The following SNRNP40 variants were observed in gnomAD, a reference collection of about 807,000 sequenced individuals.
SNRNP40 encodes the protein U5 small nuclear ribonucleoprotein 40 kDa protein.
A neutral mutation model predicts 45.8 loss-of-function variants in SNRNP40; 21 were observed. The ratio of observed to expected loss-of-function variants is 0.46; its 90% CI spans 0.32 to 0.66. SNRNP40 has a LOEUF of 0.66. SNRNP40 is among the 30% of genes least tolerant of loss of function. The probability of loss-of-function intolerance (pLI) is 0.03; values close to 1 mark genes in which losing one functional copy is unlikely to be tolerated. For missense variants in SNRNP40, 344 were observed against 439.1 expected, an observed-to-expected ratio of 0.78 and a Z score of 1.94; for synonymous variants, 142 against 163.8, an observed-to-expected ratio of 0.87 and a Z score of 1.01.
At chr1:31,267,993 G>A (rs371318599) in intron 7 of SNRNP40, 61 bp from the exon 8 acceptor site, 82 of 1,145,928 alleles carry the variant, frequency 7.2e-5, no homozygotes, top group African/African-American at 9.1e-5. Context: ...CAAGGCTACC[G>A]AATCACTAAG....
intron 2 of SNRNP40, chr1:31,292,999 T>C (rs1401225383): frequency 3.7e-6 from 2 of 544,576 alleles, no homozygotes; most frequent in Non-Finnish European, 6.5e-6. Flanking sequence ...AACAACTCAC[T>C]TTCCAACTAG....
chr1:31,288,875 G>T (rs1330405992), intron 4 of SNRNP40, among the ~76,000 whole-genome samples: 29 of 152,088 alleles, frequency 1.9e-4, no homozygotes. Flanking sequence ...GGAACTACAG[G>T]TGCCCGCCAT....
At chr1:31,292,555 G>A (rs565614706) in intron 2 of SNRNP40, among the ~76,000 whole-genome samples, 2 of 152,244 alleles carry the variant, frequency 1.3e-5, no homozygotes, top group Admixed American at 1.3e-4. Context: ...CATCCACCCG[G>A]CACCGAGGAA....
chr1:31,285,576 G>A (rs1333160419), intron 4 of SNRNP40, among the ~76,000 whole-genome samples: 1 of 152,096 alleles, frequency 6.6e-6, no homozygotes, highest in Non-Finnish European at 1.5e-5. Flanking sequence ...CTACAAAGAT[G>A]TTCTCCTACA....
intron 4 of SNRNP40, among the ~76,000 whole-genome samples, chr1:31,283,410 G>A (rs781718169): frequency 9.9e-5 from 15 of 152,190 alleles, no homozygotes; most frequent in South Asian, 4.1e-4. Context: ...CAAGACCAGC[G>A]TGGCTAACAT....
At chr1:31,293,119 T>A in intron 2 of SNRNP40, 100 bp downstream of exon 2, 1 of 1,320,702 alleles carries the variant, frequency 7.6e-7, no homozygotes, top group Non-Finnish European at 1.1e-6. Flanking sequence ...CCTGTTATGT[T>A]GCCAACATAG....
intron 4 of SNRNP40, 70 bp from the exon 5 acceptor site, chr1:31,281,566 C>G: frequency 7.1e-7 from 1 of 1,411,348 alleles, no homozygotes; most frequent in Admixed American, 2.1e-5. Flanking sequence ...ACAAATATCC[C>G]TTAAGTACGA....
At chr1:31,294,700 G>T (rs556277131) in intron 1 of SNRNP40, among the ~76,000 whole-genome samples, 1 of 152,192 alleles carries the variant, frequency 6.6e-6, no homozygotes, top group Non-Finnish European at 1.5e-5. Flanking sequence ...AGCACTTTGG[G>T]AGGCTGAGGT....
chr1:31,275,579 G>A (rs973736238), intron 5 of SNRNP40, among the ~76,000 whole-genome samples: 8 of 152,076 alleles, frequency 5.3e-5, no homozygotes, highest in African/African-American at 9.7e-5. Context: ...TAGTAGAGAC[G>A]GGGTTTTGCC....
intron 5 of SNRNP40, among the ~76,000 whole-genome samples, chr1:31,276,981 C>T (rs931327543): frequency 1.1e-4 from 16 of 151,938 alleles, no homozygotes; most frequent in Admixed American, 1.0e-3. Context: ...TTGCAGTGAG[C>T]TGAGATTGTG....
chr1:31,292,741 T>C (rs1646116324), intron 2 of SNRNP40: 2 of 152,920 alleles, frequency 1.3e-5, no homozygotes, highest in Admixed American at 6.5e-5. Flanking sequence ...TTCTCAAAAA[T>C]GGAAATCTGG....
intron 4 of SNRNP40, among the ~76,000 whole-genome samples, chr1:31,283,472 G>A (rs770232237): frequency 1.3e-5 from 2 of 152,114 alleles, no homozygotes; most frequent in Non-Finnish European, 2.9e-5. Flanking sequence ...TCATGGTGGT[G>A]TGCCCCTGTA....
chr1:31,272,367 A>C (rs1368588309), intron 5 of SNRNP40, among the ~76,000 whole-genome samples: 2 of 152,226 alleles, frequency 1.3e-5, no homozygotes, highest in African/African-American at 4.8e-5. Flanking sequence ...AGGAAACGTA[A>C]GATACAGAAA....
chr1:31,296,618 A>G lies in SNRNP40; in HGVS notation c.134T>C (p.Leu45Pro), dbSNP rs1413856498. 2 of 1,610,992 alleles carry G rather than the reference A, an allele frequency of 1.2e-6. No homozygotes were observed. The highest frequency in any genetic ancestry group is 1.7e-5 in the Admixed American group (1 of 59,104). ...GQQQATPGAL[L>P]QAGPPRCSSL... is the part of the protein sequence containing the mutation. ...GCCTGCTTCTTCACTTACCGCTTGCAGCAAGGCTCCCGGCGTCGCCTGCTG... is the reference window on the plus strand; with the variant it reads ...GCCTGCTTCTTCACTTACCGCTTGCGGCAAGGCTCCCGGCGTCGCCTGCTG... Residue 45 changes from leucine to proline, a missense_variant, in exon 1 of 10, where the codon CTG becomes CCG. This residue lies in a region of SNRNP40 where 90 missense variants were observed against 58.9 expected (regional missense o/e 1.53). Coordinates refer to ENST00000263694, the MANE Select transcript of SNRNP40 (RefSeq NM_004814.3).
intron 5 of SNRNP40, among the ~76,000 whole-genome samples, chr1:31,278,320 G>A (rs146110291): frequency 2.9e-4 from 44 of 152,282 alleles, no homozygotes; most frequent in African/African-American, 1.0e-3. Context: ...TAGCACAAGA[G>A]TATTATTGTT....
chr1:31,276,077 T>C (rs904129003), intron 5 of SNRNP40, among the ~76,000 whole-genome samples: 4 of 152,174 alleles, frequency 2.6e-5, no homozygotes, highest in African/African-American at 9.7e-5. Flanking sequence ...AAAATGATGA[T>C]GATAATGGCA....
intron 4 of SNRNP40, among the ~76,000 whole-genome samples, chr1:31,283,803 C>T (rs1646036591): frequency 6.6e-6 from 1 of 152,180 alleles, no homozygotes; most frequent in South Asian, 2.1e-4. Context: ...GTAGTCTTCT[C>T]AACAAATTGT....
In SNRNP40 at chr1:31,260,249, A is replaced by C. The variant is rs1015920439; in HGVS notation, c.1025-128T>G. 1.4e-5 allele frequency: 8 copies of C among 588,402 alleles called. No homozygotes were observed. In the Admixed American group the frequency reaches 2.0e-4, roughly 15 times the overall value. The allele number at this position is 588,402 out of a possible 1,614,324, so 36.4% of individuals were successfully genotyped here. A position where few individuals can be genotyped will look rare whatever the true frequency, so the allele number is the denominator to read the frequency against. ...TGGACTTAGCTTAAATTCCCCTCCT[A>C]AACACCATCCACAGGAAATTGTAGC... On this transcript the variant is annotated intron_variant, in intron 9 of 9. Coordinates refer to ENST00000263694, the MANE Select transcript of SNRNP40 (RefSeq NM_004814.3).
At chr1:31,261,436 TATA>T in intron 9 of SNRNP40, 90 bp downstream of exon 9, 3 of 792,542 alleles carry the variant, frequency 3.8e-6, no homozygotes. Context: ...TGGAAATTCG[TATA>T]AAACAGATAC....
Sources: allele counts gnomAD v4.1 joint callset (sites outside exome capture counted in the v4.1 genomes callset), GRCh38; gene constraint gnomAD v4.1.1; regional missense constraint gnomAD v4.1.1; transcripts MANE v1.5; gene names NCBI Gene and HGNC (gene_info 2026-07-23, HGNC 2026-07-21).